Variants in CATSPERT observed in about 807,000 individuals in gnomAD.
CATSPERT encodes catsper channel auxiliary subunit tau.
the CATSPERT span, among the ~76,000 whole-genome samples, chr2:201,546,723 C>T: frequency 6.6e-6 from 1 of 152,080 alleles, no homozygotes; most frequent in East Asian, 1.9e-4. Context: ...TTGGAAGCTC[C>T]TCATAAATCG....
the CATSPERT span, among the ~76,000 whole-genome samples, chr2:201,576,076 CCTG>C: frequency 6.6e-6 from 1 of 152,124 alleles, no homozygotes; most frequent in Non-Finnish European, 1.5e-5. Flanking sequence ...CAAAAATGTT[CCTG>C]CTAAGTTACA....
the CATSPERT span, among the ~76,000 whole-genome samples, chr2:201,501,601 A>G: frequency 6.6e-6 from 1 of 152,084 alleles, no homozygotes; most frequent in Non-Finnish European, 1.5e-5. Flanking sequence ...TATCAGTGAA[A>G]CCAAAAGATG....
At chr2:201,540,079 C>G in the CATSPERT span, among the ~76,000 whole-genome samples, 3 of 152,140 alleles carry the variant, frequency 2.0e-5, no homozygotes, top group East Asian at 5.8e-4. Flanking sequence ...AAAGCCTAAT[C>G]CAGAGAAAGC....
At chr2:201,487,954 G>A in the CATSPERT span, 2 of 1,447,314 alleles carry the variant, frequency 1.4e-6, no homozygotes, top group South Asian at 1.4e-5. Flanking sequence ...CTTAAAAGTA[G>A]GTTTTAAATT....
chr2:201,492,443 T>A, the CATSPERT span: 51 of 1,532,762 alleles, frequency 3.3e-5, no homozygotes, highest in Non-Finnish European at 3.8e-5. Flanking sequence ...TGTAGAGATT[T>A]ACTTAAAGGA....
At chr2:201,534,658 A>G in the CATSPERT span, 12 of 984,768 alleles carry the variant, frequency 1.2e-5, no homozygotes, top group African/African-American at 1.7e-5. Flanking sequence ...ATTAATACTC[A>G]AATACTGTTG....
chr2:201,601,868 A>G, the CATSPERT span: 29 of 1,601,444 alleles, frequency 1.8e-5, no homozygotes, highest in African/African-American at 1.7e-4. Context: ...ATAAATTAGC[A>G]TAATGTTGTA....
the CATSPERT span, chr2:201,492,430 T>C: frequency 6.5e-7 from 1 of 1,533,030 alleles, no homozygotes; most frequent in Non-Finnish European, 8.7e-7. Flanking sequence ...TATCAGATAG[T>C]TTTGTAGAGA....
chr2:201,589,481 C>T, the CATSPERT span, among the ~76,000 whole-genome samples: 2 of 152,006 alleles, frequency 1.3e-5, no homozygotes, highest in African/African-American at 4.8e-5. Context: ...CTTTGACAAA[C>T]CTGACAAAAA....
chr2:201,617,455 G>T, the CATSPERT span, among the ~76,000 whole-genome samples: 1 of 152,138 alleles, frequency 6.6e-6, no homozygotes, highest in African/African-American at 2.4e-5. Flanking sequence ...CAAGAAATGG[G>T]GAAAGGATTC....
the CATSPERT span, among the ~76,000 whole-genome samples, chr2:201,575,050 A>AAG: frequency 0.15 from 15,845 of 103,720 alleles, 596 homozygotes; most frequent in East Asian, 0.26. Flanking sequence ...AAAAAAAAAA[A>AAG]AAGAAGAAGA....
chr2:201,615,111 C>G, the CATSPERT span, among the ~76,000 whole-genome samples: 2 of 151,960 alleles, frequency 1.3e-5, no homozygotes, highest in African/African-American at 4.8e-5. Flanking sequence ...ATAATGGGAG[C>G]CTTTAACACA....
the CATSPERT span, among the ~76,000 whole-genome samples, chr2:201,563,361 G>A: frequency 2.3e-5 from 3 of 130,396 alleles, no homozygotes; most frequent in Non-Finnish European, 5.0e-5. Flanking sequence ...CTGGCCGGGC[G>A]GGGGGCTTGA....
At chr2:201,594,433 T>C in the CATSPERT span, among the ~76,000 whole-genome samples, 1 of 152,220 alleles carries the variant, frequency 6.6e-6, no homozygotes, top group South Asian at 2.1e-4. Context: ...ATTTCAACTT[T>C]GGTGAATCTG....
the CATSPERT span, among the ~76,000 whole-genome samples, chr2:201,586,925 A>G: frequency 1.3e-5 from 2 of 151,882 alleles, no homozygotes; most frequent in Non-Finnish European, 2.9e-5. Flanking sequence ...ATTTAATGCT[A>G]ATTTAGTTTC....
chr2:201,512,398 ACAAGGACCTCTAATATCCTTTT>A, the CATSPERT span, among the ~76,000 whole-genome samples: 2 of 152,212 alleles, frequency 1.3e-5, no homozygotes, highest in African/African-American at 2.4e-5. Context: ...AGACATTTCC[ACAAGGACCTCTAATATCCTTTT>A]ATAATCTCAC....
At chr2:201,574,579 A>T in the CATSPERT span, among the ~76,000 whole-genome samples, 64,614 of 151,932 alleles carry the variant, frequency 0.43, 14,356 homozygotes, top group East Asian at 0.75. Context: ...ACGTGATTCA[A>T]ACATGTGTAT....
the CATSPERT span, among the ~76,000 whole-genome samples, chr2:201,590,391 G>A: frequency 4.6e-5 from 7 of 151,974 alleles, no homozygotes; most frequent in South Asian, 2.1e-4. Context: ...ATCATTGTTC[G>A]ACATTTGGGT....
At chr2:201,565,891 G>T in the CATSPERT span, 1 of 1,563,072 alleles carries the variant, frequency 6.4e-7, no homozygotes. Flanking sequence ...TAATAATAAA[G>T]TGAAATATTG....
Sources: allele counts gnomAD v4.1 joint callset (sites outside exome capture counted in the v4.1 genomes callset), GRCh38; gene constraint gnomAD v4.1.1; transcripts MANE v1.5; gene names NCBI Gene and HGNC (gene_info 2026-07-23, HGNC 2026-07-21).